Variants in NR3C2 observed in about 807,000 individuals in gnomAD.
The protein encoded by NR3C2 is nuclear receptor subfamily 3 group C member 2.
In NR3C2, 15 loss-of-function variants were observed where a neutral mutation model predicts 86.4. That is an observed-to-expected ratio of 0.17 (90% CI 0.12 to 0.27). The LOEUF is 0.27. NR3C2 is among the 10% of genes least tolerant of loss of function. The probability of loss-of-function intolerance (pLI) is 1.00; values close to 1 mark genes in which losing one functional copy is unlikely to be tolerated. For missense variants in NR3C2, 960 were observed against 1,195.6 expected (o/e 0.80, Z 2.91); for synonymous variants, 458 against 450.5 (o/e 1.02, Z -0.21).
intron 8 of NR3C2, among the ~76,000 whole-genome samples, chr4:148,100,450 G>A (rs989376416): frequency 3.9e-5 from 6 of 152,270 alleles, no homozygotes; most frequent in East Asian, 3.9e-4. Flanking sequence ...ACTTACAAAT[G>A]GCCATTAGCG....
chr4:148,382,577 A>G (rs776508478), intron 2 of NR3C2, among the ~76,000 whole-genome samples: 68 of 152,224 alleles, frequency 4.5e-4, no homozygotes, highest in African/African-American at 3.9e-4. Flanking sequence ...TATCAAATAT[A>G]TATTTTATAA....
intron 8 of NR3C2, among the ~76,000 whole-genome samples, chr4:148,094,185 A>C (rs754288978): frequency 1.2e-4 from 19 of 152,238 alleles, no homozygotes; most frequent in Non-Finnish European, 1.8e-4. Context: ...TTATCAAAAA[A>C]GGGGGAAATA....
intron 4 of NR3C2, among the ~76,000 whole-genome samples, chr4:148,155,887 C>T (rs2149769206): frequency 6.6e-6 from 1 of 152,216 alleles, no homozygotes; most frequent in Non-Finnish European, 1.5e-5. Flanking sequence ...GTAACCAAAA[C>T]AGCATGGTAC....
intron 4 of NR3C2, among the ~76,000 whole-genome samples, chr4:148,172,282 T>G (rs780541232): frequency 1.3e-5 from 2 of 152,166 alleles, no homozygotes; most frequent in African/African-American, 4.8e-5. Context: ...CAACACCCCA[T>G]TGTCTTCCAT....
At chr4:148,232,087 A>G (rs1312490463) in intron 3 of NR3C2, among the ~76,000 whole-genome samples, 1 of 152,182 alleles carries the variant, frequency 6.6e-6, no homozygotes, top group Non-Finnish European at 1.5e-5. Flanking sequence ...AGTTGGAATT[A>G]ACTTCTTCCA....
At chr4:148,300,280 T>C (rs1742273501) in intron 2 of NR3C2, among the ~76,000 whole-genome samples, 1 of 152,174 alleles carries the variant, frequency 6.6e-6, no homozygotes, top group Non-Finnish European at 1.5e-5. Context: ...TATGTGATCT[T>C]TGCCATTTGT....
At chr4:148,217,219 G>T (rs1737586358) in intron 3 of NR3C2, among the ~76,000 whole-genome samples, 1 of 152,194 alleles carries the variant, frequency 6.6e-6, no homozygotes, top group Admixed American at 6.5e-5. Flanking sequence ...GTCTCTGGCT[G>T]GGAGAAAACT....
chr4:148,409,324 A>G (rs1001977390), intron 2 of NR3C2, among the ~76,000 whole-genome samples: 2 of 152,038 alleles, frequency 1.3e-5, no homozygotes, highest in African/African-American at 4.8e-5. Flanking sequence ...AGCCTTTTAT[A>G]TTTTCTCTTC....
At chr4:148,142,877 T>A (rs1279516537) in intron 6 of NR3C2, among the ~76,000 whole-genome samples, 2 of 152,178 alleles carry the variant, frequency 1.3e-5, no homozygotes, top group African/African-American at 4.8e-5. Flanking sequence ...AGTGCTCATT[T>A]AAAAGTGTGT....
intron 1 of NR3C2, among the ~76,000 whole-genome samples, chr4:148,438,163 T>G (rs1750167312): frequency 6.6e-6 from 1 of 152,216 alleles, no homozygotes; most frequent in Non-Finnish European, 1.5e-5. Flanking sequence ...CATTGACATT[T>G]TGGGCCTGAT....
chr4:148,136,792 T>C (rs1733367379), intron 6 of NR3C2, among the ~76,000 whole-genome samples: 1 of 152,142 alleles, frequency 6.6e-6, no homozygotes, highest in Non-Finnish European at 1.5e-5. Flanking sequence ...CACCTGCTTT[T>C]TAAACTCGAG....
chr4:148,395,588 C>T (rs943259189), intron 2 of NR3C2, among the ~76,000 whole-genome samples: 3 of 152,164 alleles, frequency 2.0e-5, no homozygotes, highest in Non-Finnish European at 4.4e-5. Flanking sequence ...GTGTGCTAAA[C>T]GTGTTCATAC....
At chr4:148,143,871 C>T (rs60617410) in intron 6 of NR3C2, among the ~76,000 whole-genome samples, 9,500 of 139,554 alleles carry the variant, frequency 0.068, 1,000 homozygotes, top group African/African-American at 0.23. Flanking sequence ...CCCTTGAACC[C>T]GGGAGGCGGA....
intron 2 of NR3C2, among the ~76,000 whole-genome samples, chr4:148,405,154 A>C (rs1748353147): frequency 6.6e-6 from 1 of 152,248 alleles, no homozygotes; most frequent in South Asian, 2.1e-4. Flanking sequence ...CGATGGAAAT[A>C]GATCATAACA....
At chr4:148,177,266 A>G (rs1382912757) in intron 4 of NR3C2, among the ~76,000 whole-genome samples, 2 of 152,248 alleles carry the variant, frequency 1.3e-5, no homozygotes, top group African/African-American at 2.4e-5. Context: ...GTTTTAAAAT[A>G]TGTTAGAATT....
intron 2 of NR3C2, among the ~76,000 whole-genome samples, chr4:148,410,447 A>G (rs1480240538): frequency 6.6e-6 from 1 of 152,224 alleles, no homozygotes; most frequent in East Asian, 1.9e-4. Flanking sequence ...TTCAGTTCAC[A>G]GTATATTCCC....
chr4:148,159,828 C>T (rs1443725528), intron 4 of NR3C2, among the ~76,000 whole-genome samples: 3 of 152,176 alleles, frequency 2.0e-5, no homozygotes, highest in Non-Finnish European at 4.4e-5. Flanking sequence ...TTTCTATTAA[C>T]CAAAAGCATC....
chr4:148,286,301 T>A (rs1487127786), intron 2 of NR3C2, among the ~76,000 whole-genome samples: 1 of 152,180 alleles, frequency 6.6e-6, no homozygotes, highest in Non-Finnish European at 1.5e-5. Context: ...CAGTCTCTGC[T>A]GTCTTTTGTA....
At chr4:148,261,393 CGCTATGGTCAGT>C (rs1740110477) in intron 2 of NR3C2, among the ~76,000 whole-genome samples, 1 of 150,650 alleles carries the variant, frequency 6.6e-6, no homozygotes, top group Non-Finnish European at 1.5e-5. Flanking sequence ...GTGTATGGTG[CGCTATGGTCAGT>C]GCTATGGTGC....
Sources: gnomAD v4.1 joint callset for allele counts (sites outside exome capture counted in the v4.1 genomes callset) on GRCh38, gnomAD v4.1.1 for gene constraint, MANE v1.5 for transcripts, NCBI Gene and HGNC (gene_info 2026-07-23, HGNC 2026-07-21) for gene names.